The following CPAMD8 variants were observed in gnomAD, a reference collection of about 807,000 sequenced individuals.
CPAMD8 encodes the protein C3 and PZP like alpha-2-macroglobulin domain containing 8, also known as C3 and PZP-like alpha-2-macroglobulin domain-containing protein 8.
In CPAMD8, 146 loss-of-function variants were observed where a neutral mutation model predicts 224.7. The ratio of observed to expected loss-of-function variants is 0.65; its 90% confidence interval spans 0.57 to 0.75. The LOEUF (loss-of-function observed/expected upper bound fraction) is 0.75, where lower values mean the gene tolerates loss of function less well. CPAMD8 is among the 30% of genes least tolerant of loss of function. The probability of loss-of-function intolerance (pLI) is 0.00; values close to 1 mark genes in which losing one functional copy is unlikely to be tolerated. For missense variants in CPAMD8, 2,301 were observed against 2,537.5 expected (o/e 0.91, Z 2.00); for synonymous variants, 966 against 1,044.6 (o/e 0.92, Z 1.45).
In CPAMD8 at chr19:16,899,666, G is replaced by A; in HGVS notation, c.4774-117C>T. ...TTGCCCACAAGTTACCATGGGCTGG[G>A]GTCTGGGTGCTGGTCAGTGCTCCCC... On this transcript the variant is annotated intron_variant, in intron 36 of 41. Coordinates refer to ENST00000443236, the MANE Select transcript of CPAMD8 (RefSeq NM_015692.5). The surrounding 1 kb of genome is among the most constrained non-coding windows in gnomAD (Gnocchi z 5.4). 1 of 671,020 alleles carries A rather than the reference G, an allele frequency of 1.5e-6. No homozygotes were observed. Among genetic ancestry groups the A allele is most frequent in the Non-Finnish European group, 2.7e-6 (1 of 364,720 alleles). 41.6% of individuals were successfully genotyped at this position (671,020 alleles called of 1,614,324 possible). A position where few individuals can be genotyped will look rare whatever the true frequency, so the allele number is the denominator to read the frequency against.
At chr19:16,944,431 A>G (rs1340602153) in intron 22 of CPAMD8, among the ~76,000 whole-genome samples, 1 of 152,152 alleles carries the variant, frequency 6.6e-6, no homozygotes, top group East Asian at 1.9e-4. Flanking sequence ...GAGACCCTCA[A>G]GAGTCCCCCT....
intron 3 of CPAMD8, among the ~76,000 whole-genome samples, chr19:17,013,198 A>G (rs1027222711): frequency 1.3e-5 from 2 of 148,900 alleles, no homozygotes; most frequent in African/African-American, 2.5e-5. Context: ...AAATAAATAA[A>G]CAAATAATAC....
At chr19:16,906,198 G>A (rs898257282) in intron 30 of CPAMD8, among the ~76,000 whole-genome samples, 5 of 152,246 alleles carry the variant, frequency 3.3e-5, no homozygotes, top group African/African-American at 9.6e-5. Flanking sequence ...ATGCGATAAT[G>A]AATGAATACT....
chr19:17,013,884 ATT>A (rs1568603642), intron 3 of CPAMD8, among the ~76,000 whole-genome samples: 26,435 of 148,180 alleles, frequency 0.18, 3,025 homozygotes, highest in South Asian at 0.37. Context: ...ACACTACACA[ATT>A]CCTTCCTTCC....
intron 30 of CPAMD8, among the ~76,000 whole-genome samples, chr19:16,906,639 A>G (rs1286581771): frequency 1.3e-5 from 2 of 151,670 alleles, no homozygotes; most frequent in African/African-American, 4.8e-5. Context: ...CCTGGCCTCA[A>G]GTGATCTGCC....
chr19:16,989,422 G>C (rs1054933318), intron 13 of CPAMD8, among the ~76,000 whole-genome samples: 2 of 152,124 alleles, frequency 1.3e-5, no homozygotes, highest in African/African-American at 4.8e-5. Context: ...GAGTAGCTGG[G>C]ATTACAGGCA....
intron 11 of CPAMD8, among the ~76,000 whole-genome samples, chr19:16,994,236 C>T (rs533476071): frequency 6.6e-6 from 1 of 152,248 alleles, no homozygotes. Flanking sequence ...AAGGGTAGAC[C>T]TTCATGCCCT....
At chr19:16,917,316 G>A (rs902921062) in intron 27 of CPAMD8, among the ~76,000 whole-genome samples, 6 of 152,078 alleles carry the variant, frequency 3.9e-5, no homozygotes, top group African/African-American at 7.2e-5. Context: ...TTTTGATGCC[G>A]GTCCATCAAT....
At chr19:16,961,967 T>C (rs537841970) in intron 18 of CPAMD8, among the ~76,000 whole-genome samples, 2 of 151,872 alleles carry the variant, frequency 1.3e-5, no homozygotes, top group Admixed American at 1.3e-4. Flanking sequence ...AGAAGGAAAA[T>C]TAACAAACAG....
rs757550356 is a variant in CPAMD8 at position 16,938,426 on chromosome 19, C to G, written c.2814G>C (p.Ala938=). Residue 938 remains alanine, a synonymous_variant, in exon 23 of 42, where the codon GCG becomes GCC. Transcript: ENST00000443236. ...VMVEAEGVPR[A]YTYSAFFCPS... The stretch of plus-strand genomic sequence containing the variant: ...GACAGAAGAATGCGCTGTAGGTGTA[C>G]GCCCGGGGGACTCCTTCCGCCTGAA... The G allele has an allele frequency of 6.3e-7, 1 of 1,575,824 alleles. No individual in the cohort carries two copies. Among genetic ancestry groups the G allele is most frequent in the Non-Finnish European group, 8.6e-7 (1 of 1,163,144 alleles).
chr19:16,913,703 G>A (rs911979187), intron 29 of CPAMD8, among the ~76,000 whole-genome samples: 1 of 152,090 alleles, frequency 6.6e-6, no homozygotes, highest in Non-Finnish European at 1.5e-5. Context: ...CAAGGCAAGG[G>A]GCCCTCTGGA....
intron 28 of CPAMD8, 35 bp downstream of exon 28, chr19:16,914,622 A>AG: frequency 6.2e-7 from 1 of 1,613,404 alleles, no homozygotes; most frequent in Non-Finnish European, 8.5e-7. Context: ...GGAGGAGGTG[A>AG]GGGGCCCGGG....
intron 3 of CPAMD8, among the ~76,000 whole-genome samples, chr19:17,015,780 G>A (rs1230763614): frequency 3.9e-5 from 6 of 152,158 alleles, no homozygotes; most frequent in South Asian, 4.1e-4. Flanking sequence ...GGGAGATACC[G>A]GAGGTGCTGA....
rs1452962602 is a variant in CPAMD8 at position 16,925,273 on chromosome 19, A to G, written c.3470T>C (p.Phe1157Ser). 1 of 1,614,196 alleles carries G rather than the reference A, an allele frequency of 6.2e-7. No individual in the cohort carries two copies. Among genetic ancestry groups the G allele is most frequent in the South Asian group, 1.1e-5 (1 of 91,084 alleles). The change falls in exon 26 of 42, where the codon TTT becomes TCT. Residue 1157 changes from phenylalanine to serine, a missense_variant. Physicochemically the swap from Phe to Ser is radical, Grantham distance 155. Around this residue, in one of 4 missense-constraint regions of CPAMD8, gnomAD observed 1,709 missense variants for 1,753.2 expected, o/e 0.97. Transcript: ENST00000443236. ...QNMIHFAPNV[F>S]VLKYLQKTQQ... ...GGTTTTCTGAAGATACTTCAAGACA[A>G]AGACGTTGGGTGCAAAGTGGATCAT...
intron 23 of CPAMD8, among the ~76,000 whole-genome samples, chr19:16,929,950 A>G (rs2053496766): frequency 6.6e-6 from 1 of 152,122 alleles, no homozygotes; most frequent in South Asian, 2.1e-4. Flanking sequence ...CTGGATTCCA[A>G]AATTTATACA....
chr19:16,930,286 T>C (rs1337452981), intron 23 of CPAMD8, among the ~76,000 whole-genome samples: 2 of 150,384 alleles, frequency 1.3e-5, no homozygotes, highest in African/African-American at 2.4e-5. Flanking sequence ...AGAACACAAC[T>C]GGAAAACTCA....
chr19:17,017,296 T>C (rs145742084), intron 3 of CPAMD8, among the ~76,000 whole-genome samples: 1 of 152,320 alleles, frequency 6.6e-6, no homozygotes, highest in East Asian at 1.9e-4. Flanking sequence ...TCTTCAGTTA[T>C]GGTGAGTTAT....
At chr19:17,025,369 G>A (rs534964424) in intron 1 of CPAMD8, among the ~76,000 whole-genome samples, 1 of 152,304 alleles carries the variant, frequency 6.6e-6, no homozygotes, top group South Asian at 2.1e-4. Context: ...CCAAGATCGT[G>A]CCATTGCACT....
intron 10 of CPAMD8, among the ~76,000 whole-genome samples, chr19:16,999,105 T>C (rs2056227217): frequency 6.6e-6 from 1 of 152,134 alleles, no homozygotes; most frequent in South Asian, 2.1e-4. Context: ...TATGATTCAT[T>C]CACAGAAATG....
Sources: gnomAD v4.1 joint callset for allele counts (sites outside exome capture counted in the v4.1 genomes callset) on GRCh38, gnomAD v4.1.1 for gene constraint, gnomAD v4.1.1 regional missense constraint, Gnocchi (gnomAD v3.1) non-coding constraint, MANE v1.5 for transcripts, NCBI Gene and HGNC (gene_info 2026-07-23, HGNC 2026-07-21) for gene names.